The following SEZ6L2 variants were observed in gnomAD, a reference collection of about 807,000 sequenced individuals.
The protein encoded by SEZ6L2 is seizure 6-like protein 2.
A neutral mutation model predicts 97.0 loss-of-function variants in SEZ6L2; 44 were observed. That is an observed-to-expected ratio of 0.45 (90% CI 0.36 to 0.58). The LOEUF (loss-of-function observed/expected upper bound fraction) is 0.58, where lower values mean the gene tolerates loss of function less well. Among genes scored for constraint, SEZ6L2 ranks in the 20% least tolerant of loss-of-function variants. The probability of loss-of-function intolerance (pLI) is 0.00; values close to 1 mark genes in which losing one functional copy is unlikely to be tolerated. For missense variants in SEZ6L2, 1,086 were observed against 1,233.3 expected (o/e 0.88, Z 1.79); for synonymous variants, 543 against 546.1 (o/e 0.99, Z 0.08).
Position 29,873,673 on chromosome 16 carries a change from C to T in SEZ6L2, c.2161G>A (p.Ala721Thr), listed in dbSNP as rs535255995. 24 of 1,612,396 alleles carry T rather than the reference C, an allele frequency of 1.5e-5. No individual in the cohort carries two copies. Among genetic ancestry groups the T allele is most frequent in the Middle Eastern group, 1.7e-4 (1 of 6,056 alleles). Reference protein sequence around the residue: ...IANGHRTASDAGFPVGSHVQY... With the variant: ...IANGHRTASDTGFPVGSHVQY... ...ACGTGGGAGCCAACGGGGAAGCCGG[C>T]GTCCGAGGCGGTGCGGTGCCCGTTG... Residue 721 changes from alanine (A) to threonine (T), a missense_variant, in exon 13 of 18, where the codon GCC becomes ACC. By Grantham distance (58) the Ala-to-Thr change is moderately conservative (BLOSUM62 0). Around this residue, in one of 2 missense-constraint regions of SEZ6L2, gnomAD observed 310 missense variants for 438.6 expected, o/e 0.71. Transcript: ENST00000617533. This position sits in a 1 kb window ranked among gnomAD's most constrained non-coding sequence, Gnocchi z 4.3.
In SEZ6L2 at chr16:29,871,806, G is replaced by A. The variant is rs1188212766; in HGVS notation, c.2743-78C>T. ...GCAGCCGAATGGGAGGAGGGGCAAC[G>A]ATCCTGGGTTTTAAAGTAACATTGA... On this transcript the variant is annotated intron_variant, in intron 17 of 17. Transcript: ENST00000617533. The A allele has an allele frequency of 1.6e-5, 21 of 1,339,518 alleles. No homozygotes were observed. The Middle Eastern group carries it at 5.4e-4, about 35-fold the overall frequency. 83.0% of individuals were successfully genotyped at this position (1,339,518 alleles called of 1,614,324 possible). A position where few individuals can be genotyped will look rare whatever the true frequency, so the allele number is the denominator to read the frequency against.
chr16:29,881,755 G>A (rs2068035310), intron 8 of SEZ6L2, among the ~76,000 whole-genome samples: 1 of 148,738 alleles, frequency 6.7e-6, no homozygotes, highest in Non-Finnish European at 1.5e-5. Flanking sequence ...AGCCTCCCGA[G>A]TAGCTGGGAT....
At chr16:29,885,968 G>A in intron 7 of SEZ6L2, 1 of 441,418 alleles carries the variant, frequency 2.3e-6, no homozygotes, top group Non-Finnish European at 4.0e-6. Context: ...GAGGATATTA[G>A]GGCATAGAAA....
intron 5 of SEZ6L2, 79 bp from the exon 6 acceptor site, chr16:29,888,804 CT>C (rs1220468030): frequency 1.5e-6 from 2 of 1,336,850 alleles, no homozygotes; most frequent in East Asian, 2.5e-5. Context: ...CACTTCCCCC[CT>C]CTCCTTTCAG....
intron 7 of SEZ6L2, chr16:29,886,012 T>C (rs2068132476): frequency 3.2e-6 from 1 of 310,858 alleles, no homozygotes; most frequent in Admixed American, 5.0e-5. Context: ...ACAGAGCAAG[T>C]AGTGGCAGGG....
chr16:29,894,151 G>A (rs1050571490), intron 5 of SEZ6L2, among the ~76,000 whole-genome samples: 5 of 152,150 alleles, frequency 3.3e-5, no homozygotes, highest in South Asian at 2.1e-4. Context: ...GATTATAGGC[G>A]TGAGCCACCA....
At chr16:29,887,563 C>T (rs996436308) in intron 7 of SEZ6L2, 86 bp downstream of exon 7, 45 of 1,319,934 alleles carry the variant, frequency 3.4e-5, no homozygotes, top group Middle Eastern at 1.9e-4. Context: ...CCGCCTGCTT[C>T]GGCCTCCCAA....
At position 29,878,392 on chromosome 16, in the gene SEZ6L2, C is replaced by G; in HGVS notation, c.1607G>C (p.Gly536Ala). ...MCGGELSEPA[G>A]VVLSPDWPQS... ...GGGCCAGTCGGGAGAGAGGACCACG[C>G]CAGCTGGTTCCGACAGCTCCCCTCC... The change falls in exon 10 of 18, where the codon GGC becomes GCC. Residue 536 changes from glycine to alanine, a missense_variant. Gly to Ala is a moderately conservative substitution (Grantham distance 60). Coordinates refer to ENST00000617533, the MANE Select transcript of SEZ6L2 (RefSeq NM_001243332.2). 6.2e-7 allele frequency: 1 copy of G among 1,607,068 alleles called. No homozygotes were observed. Among genetic ancestry groups the G allele is most frequent in the Non-Finnish European group, 8.5e-7 (1 of 1,175,906 alleles).
intron 8 of SEZ6L2, among the ~76,000 whole-genome samples, chr16:29,882,118 G>A (rs1334017377): frequency 9.9e-5 from 15 of 151,560 alleles, no homozygotes; most frequent in East Asian, 2.0e-4. Context: ...TTACAGGCAC[G>A]TACTACCACA....
At chr16:29,890,059 C>T (rs910912036) in intron 5 of SEZ6L2, among the ~76,000 whole-genome samples, 11 of 152,114 alleles carry the variant, frequency 7.2e-5, no homozygotes, top group Admixed American at 4.6e-4. Flanking sequence ...CAGGTGTGTG[C>T]GACCATGCCT....
In SEZ6L2 at chr16:29,872,180, T is replaced by G. The variant is rs1596953695; in HGVS notation, c.2742+7A>C. 1 of 1,589,928 alleles carries G rather than the reference T, an allele frequency of 6.3e-7. No individual in the cohort carries two copies. The highest frequency in any genetic ancestry group is 1.3e-5 in the African/African-American group (1 of 74,284). ...GGTGGCTCTTCAGGGGCAGGCAAGGTGCTTACCCCAGCTTCATACAGCGGG... is the reference window on the plus strand; with the variant it reads ...GGTGGCTCTTCAGGGGCAGGCAAGGGGCTTACCCCAGCTTCATACAGCGGG... On this transcript the variant is annotated splice_region_variant and intron_variant, in intron 17 of 17. Coordinates refer to ENST00000617533, the MANE Select transcript of SEZ6L2 (RefSeq NM_001243332.2).
In SEZ6L2 at chr16:29,899,127, T is replaced by A; in HGVS notation, c.-108A>T. 1 of 861,482 alleles carries A rather than the reference T, an allele frequency of 1.2e-6. No homozygotes were observed. Among genetic ancestry groups the A allele is most frequent in the Non-Finnish European group, 1.8e-6 (1 of 566,610 alleles). 53.4% of individuals were successfully genotyped at this position (861,482 alleles called of 1,614,324 possible). ...CTTTAATTGTTTTTTTTTTTTTTTT[T>A]TTTTTCCTCGTAGGAGTCAGCAAAG... On this transcript the variant is annotated 5_prime_UTR_variant, in exon 1 of 18. Transcript: ENST00000617533.
intron 10 of SEZ6L2, 108 bp from the exon 11 acceptor site, chr16:29,877,575 C>T: frequency 2.9e-6 from 3 of 1,030,570 alleles, no homozygotes; most frequent in African/African-American, 1.6e-5. Context: ...TACTCTCCAG[C>T]CCCGCCCATA....
rs1173186104 is a variant in SEZ6L2, at chr16:29,872,164, T to TCAGGGG, written c.2742+17_2742+22dup. 8 of 1,554,232 alleles carry TCAGGGG rather than the reference T, an allele frequency of 5.1e-6. 1 individual carries two copies. In the Admixed American group the frequency reaches 9.6e-5, roughly 19 times the overall value. ...CCTGGGAGAGCCAAGTGGTGGCTCT[T>TCAGGGG]CAGGGGCAGGCAAGGTGCTTACCCC... On this transcript the variant is annotated intron_variant, in intron 17 of 17. Transcript: ENST00000617533.
Position 29,871,275 on chromosome 16 carries a change from C to T in SEZ6L2, c.*424G>A. On this transcript the variant is annotated 3_prime_UTR_variant, in exon 18 of 18. Transcript: ENST00000617533. ...GGCAAGGCCTTGTCCCAGCTCTCCC[C>T]TTTGTCCTTCTTCTGACCCTCCTGG... 4.0e-6 allele frequency: 1 copy of T among 247,794 alleles called. No individual in the cohort carries two copies. Among genetic ancestry groups the T allele is most frequent in the Admixed American group, 4.5e-5 (1 of 22,188 alleles). The allele number at this position is 247,794 out of a possible 1,614,324, so 15.3% of individuals were successfully genotyped here.
In SEZ6L2 at chr16:29,879,873, C is replaced by A. The variant is rs766184475; in HGVS notation, c.1564G>T (p.Ala522Ser). 1 of 1,599,666 alleles carries A rather than the reference C, an allele frequency of 6.3e-7. No individual in the cohort carries two copies. Among genetic ancestry groups the A allele is most frequent in the Non-Finnish European group, 8.5e-7 (1 of 1,169,996 alleles). The change falls in exon 9 of 18, where the codon GCC becomes TCC. Residue 522 changes from alanine (A) to serine (S), a missense_variant. Ala to Ser is a moderately conservative substitution (Grantham distance 99, BLOSUM62 1). Around this residue, in one of 2 missense-constraint regions of SEZ6L2, gnomAD observed 776 missense variants for 794.7 expected, o/e 0.98. Transcript: ENST00000617533. ...GACAAGGAAGGCTCACCTTTGCAGG[C>A]CGGCTCTGTGTCGTTCCAGTGGGGT... is the stretch of plus-strand genomic sequence containing the variant. ...TEPHWNDTEP[A>S]CKAMCGGELS...
chr16:29,895,023 C>CA (rs753003362), intron 5 of SEZ6L2, among the ~76,000 whole-genome samples: 3 of 151,748 alleles, frequency 2.0e-5, no homozygotes, highest in Non-Finnish European at 4.4e-5. Flanking sequence ...ACTAAAAATA[C>CA]AAAAAATTAG....
intron 5 of SEZ6L2, 116 bp from the exon 6 acceptor site, chr16:29,888,841 G>A (rs2068206197): frequency 1.1e-6 from 1 of 886,522 alleles, no homozygotes; most frequent in South Asian, 1.8e-5. Context: ...GCACACACTG[G>A]CTCCATACTG....
intron 8 of SEZ6L2, among the ~76,000 whole-genome samples, chr16:29,882,690 C>T (rs1020063818): frequency 3.0e-4 from 45 of 151,810 alleles, no homozygotes; most frequent in African/African-American, 1.0e-3. Context: ...TGAGCTCAAG[C>T]GATCCTCCTG....
Sources: gnomAD v4.1 joint callset for allele counts (sites outside exome capture counted in the v4.1 genomes callset) on GRCh38, gnomAD v4.1.1 for gene constraint, gnomAD v4.1.1 regional missense constraint, Gnocchi (gnomAD v3.1) non-coding constraint, MANE v1.5 for transcripts, NCBI Gene and HGNC (gene_info 2026-07-23, HGNC 2026-07-21) for gene names.